ANK3: variants seen among roughly 807,000 people sequenced by gnomAD.
ANK3 encodes the protein ankyrin 3.
In ANK3, 57 loss-of-function variants were observed where a neutral mutation model predicts 370.9. The ratio of observed to expected loss-of-function variants is 0.15; its 90% CI spans 0.12 to 0.19. ANK3 has a LOEUF of 0.19. Among genes scored for constraint, ANK3 ranks in the 10% least tolerant of loss-of-function variants. ANK3 has a pLI of 1.00. For missense variants in ANK3, 4,439 were observed against 5,302.1 expected, an observed-to-expected ratio of 0.84 and a Z score of 5.06; for synonymous variants, 1,929 against 1,946.3, an observed-to-expected ratio of 0.99 and a Z score of 0.23.
At chr10:60,412,585 T>G (rs1428343598) in intron 2 of ANK3, among the ~76,000 whole-genome samples, 1 of 152,188 alleles carries the variant, frequency 6.6e-6, no homozygotes, top group Non-Finnish European at 1.5e-5. Flanking sequence ...TTTCTATTGG[T>G]TCTGTTTCTC....
chr10:60,436,335 G>A (rs1218546017), intron 2 of ANK3, among the ~76,000 whole-genome samples: 1 of 152,182 alleles, frequency 6.6e-6, no homozygotes, highest in Non-Finnish European at 1.5e-5. Context: ...AAATACCTAG[G>A]AGTGGAATTG....
At chr10:60,534,338 CA>C (rs2076676093) in intron 2 of ANK3, among the ~76,000 whole-genome samples, 2 of 152,082 alleles carry the variant, frequency 1.3e-5, no homozygotes, top group African/African-American at 4.8e-5. Context: ...ACTCCAAACG[CA>C]TTCATGTCTC....
chr10:60,168,398 G>A (rs900253997), intron 21 of ANK3, among the ~76,000 whole-genome samples: 5 of 152,004 alleles, frequency 3.3e-5, no homozygotes, highest in Non-Finnish European at 7.4e-5. Flanking sequence ...TATTATTAAA[G>A]TTTATATTTT....
intron 2 of ANK3, among the ~76,000 whole-genome samples, chr10:60,564,255 T>C (rs767675239): frequency 3.3e-5 from 5 of 152,156 alleles, no homozygotes; most frequent in Non-Finnish European, 5.9e-5. Context: ...AATTCAACAA[T>C]GATGTTTAAA....
In ANK3 at chr10:60,186,888, C is replaced by T. The variant is rs199700114; in HGVS notation, c.1912G>A (p.Ala638Thr). 33 of 1,614,034 alleles carry T rather than the reference C, an allele frequency of 2.0e-5. No homozygotes were observed. The highest frequency in any genetic ancestry group is 4.5e-5 in the East Asian group (2 of 44,860). Residue 638 changes from alanine (A) to threonine (T), a missense_variant, in exon 17 of 44, where the codon GCT (alanine) becomes ACT (threonine). Ala to Thr is a moderately conservative substitution (Grantham distance 58). This residue lies in a region of ANK3 where 192 missense variants were observed against 192.1 expected (regional missense o/e 1.00). Coordinates refer to ENST00000280772, the MANE Select transcript of ANK3 (RefSeq NM_020987.5). ...ATGTCCATCTGGTTCTTTTTGGCAG[C>T]GATGTGCAGTGGCGTATAACCATTC... ...AKNGYTPLHI[A>T]AKKNQMDIAT... is the part of the protein sequence containing the mutation.
intron 1 of ANK3, among the ~76,000 whole-genome samples, chr10:60,367,601 G>T (rs1179869091): frequency 6.6e-6 from 1 of 152,152 alleles, no homozygotes; most frequent in Non-Finnish European, 1.5e-5. Context: ...TGCCTCTGGG[G>T]TGATCATCAG....
At chr10:60,305,098 T>G (rs2044707793) in intron 1 of ANK3, among the ~76,000 whole-genome samples, 1 of 152,174 alleles carries the variant, frequency 6.6e-6, no homozygotes, top group Admixed American at 6.5e-5. Context: ...GAGGCTGGCT[T>G]AAAAAGTCTT....
At chr10:60,501,238 G>A (rs1416270989) in intron 2 of ANK3, among the ~76,000 whole-genome samples, 1 of 152,168 alleles carries the variant, frequency 6.6e-6, no homozygotes, top group Non-Finnish European at 1.5e-5. Flanking sequence ...AGAGGAGGAG[G>A]ACGGAATGAA....
intron 1 of ANK3, among the ~76,000 whole-genome samples, chr10:60,347,396 C>G (rs2055834648): frequency 6.6e-6 from 1 of 151,674 alleles, no homozygotes; most frequent in Non-Finnish European, 1.5e-5. Flanking sequence ...ATCTGTCTTT[C>G]TGCTTGACTA....
At chr10:60,495,088 C>T (rs2075619778) in intron 2 of ANK3, among the ~76,000 whole-genome samples, 4 of 152,158 alleles carry the variant, frequency 2.6e-5, no homozygotes, top group Admixed American at 2.6e-4. Context: ...GAAACTCTAC[C>T]TCCTTTAAGA....
chr10:60,307,483 C>T (rs1210414838), intron 1 of ANK3, among the ~76,000 whole-genome samples: 1 of 151,922 alleles, frequency 6.6e-6, no homozygotes, highest in Non-Finnish European at 1.5e-5. Flanking sequence ...CAGGTGTGTG[C>T]CACTATGCCT....
In ANK3 at chr10:60,057,929, A is replaced by G. The variant is rs570723034; in HGVS notation, c.12686+1411T>C. ...TGCAATTTTTCAAAAGTAGTTTTGT[A>G]AACTCCCTCTTTGGGAATTTTTATT... On this transcript the variant is annotated intron_variant, in intron 41 of 43. Coordinates refer to ENST00000280772, the MANE Select transcript of ANK3 (RefSeq NM_020987.5). Among the ~76,000 whole-genome samples, 8 of 152,350 alleles carry G rather than the reference A, an allele frequency of 5.3e-5. No individual in the cohort carries two copies. The East Asian group carries it at 1.5e-3, about 29-fold the overall frequency.
chr10:60,682,220 C>G (rs964631985), intron 1 of ANK3, among the ~76,000 whole-genome samples: 3 of 152,018 alleles, frequency 2.0e-5, no homozygotes, highest in Non-Finnish European at 4.4e-5. Context: ...GCTTAAATAA[C>G]TTGTCCAAGG....
chr10:60,582,431 A>G (rs944624738), intron 2 of ANK3, among the ~76,000 whole-genome samples: 1 of 151,948 alleles, frequency 6.6e-6, no homozygotes, highest in Non-Finnish European at 1.5e-5. Context: ...CTGAAACTCA[A>G]TGATGCCCTC....
At chr10:60,079,174 T>TACACACACACAC (rs58239281) in intron 36 of ANK3, among the ~76,000 whole-genome samples, 4,762 of 113,684 alleles carry the variant, frequency 0.042, 197 homozygotes, top group East Asian at 0.055. Flanking sequence ...GCTACCTAGC[T>TACACACACACAC]ACACACACAC....
chr10:60,570,715 C>A (rs112141089), intron 2 of ANK3, among the ~76,000 whole-genome samples: 2 of 152,040 alleles, frequency 1.3e-5, no homozygotes, highest in African/African-American at 4.8e-5. Context: ...TTAAGAGTGC[C>A]CTAGCAGCAG....
intron 23 of ANK3, among the ~76,000 whole-genome samples, chr10:60,159,952 C>A (rs1466258182): frequency 6.6e-6 from 1 of 151,860 alleles, no homozygotes; most frequent in African/African-American, 2.4e-5. Context: ...GCAATAAATG[C>A]CTACATCAAA....
chr10:60,392,833 G>A (rs2063140901), upstream of ANK3, among the ~76,000 whole-genome samples: 1 of 152,052 alleles, frequency 6.6e-6, no homozygotes, highest in East Asian at 1.9e-4. Context: ...GGAGGCTGAG[G>A]CATGAGAATC....
At chr10:60,272,089 TTGTGTG>T (rs5785433) in intron 4 of ANK3, among the ~76,000 whole-genome samples, 3,837 of 145,810 alleles carry the variant, frequency 0.026, 59 homozygotes, top group South Asian at 0.039. Context: ...ACTGTGGGAT[TTGTGTG>T]TGTGTGTGTG....
Sources: gnomAD v4.1 joint callset for allele counts (sites outside exome capture counted in the v4.1 genomes callset) on GRCh38, gnomAD v4.1.1 for gene constraint, gnomAD v4.1.1 regional missense constraint, MANE v1.5 for transcripts, NCBI Gene and HGNC (gene_info 2026-07-23, HGNC 2026-07-21) for gene names.